The following KLHL1 variants were observed in gnomAD, a reference collection of about 807,000 sequenced individuals.
KLHL1 encodes kelch-like protein 1.
A neutral mutation model predicts 77.7 loss-of-function variants in KLHL1; 47 were observed. That is an observed-to-expected ratio of 0.60 (90% CI 0.48 to 0.77). The LOEUF is 0.77. Ranked by LOEUF, KLHL1 falls within the 30% of genes least tolerant of loss-of-function variation. The probability of loss-of-function intolerance (pLI) is 0.00; values close to 1 mark genes in which losing one functional copy is unlikely to be tolerated. For synonymous variants in KLHL1, 360 were observed against 325.2 expected, an observed-to-expected ratio of 1.11 and a Z score of -1.15; for missense variants, 925 against 910.8, an observed-to-expected ratio of 1.02 and a Z score of -0.20.
chr13:70,016,970 C>T (rs889720292), intron 1 of KLHL1, among the ~76,000 whole-genome samples: 2 of 152,158 alleles, frequency 1.3e-5, no homozygotes, highest in Non-Finnish European at 2.9e-5. Context: ...AGAAGCTACC[C>T]ACTGTGGGTC....
chr13:70,023,139 T>A (rs1287113882), intron 1 of KLHL1, among the ~76,000 whole-genome samples: 1 of 151,894 alleles, frequency 6.6e-6, no homozygotes, highest in African/African-American at 2.4e-5. Context: ...GTAAAACAGA[T>A]AACATTATCA....
chr13:69,768,546 G>A (rs950807217), intron 7 of KLHL1, among the ~76,000 whole-genome samples: 3 of 152,002 alleles, frequency 2.0e-5, no homozygotes, highest in Admixed American at 6.6e-5. Context: ...GGAAAGGGTT[G>A]TACAATAGTT....
In KLHL1 at chr13:69,825,841, TTAGA is replaced by T. The variant is rs141293549; in HGVS notation, c.1414+13131_1414+13134del. On this transcript the variant is annotated intron_variant, in intron 6 of 10. Transcript: ENST00000377844. ...CTGATAACTGAAGTCTGAAGCCAAG[TTAGA>T]TAGAAATATTGCTGATAGGGTATAT... Among the ~76,000 whole-genome samples, 16 of 152,234 alleles carry T rather than the reference TTAGA, an allele frequency of 1.1e-4. No homozygotes were observed. The East Asian group carries it at 2.9e-3, about 28-fold the overall frequency.
At chr13:70,081,387 T>C (rs1340836964) in intron 1 of KLHL1, among the ~76,000 whole-genome samples, 5 of 152,238 alleles carry the variant, frequency 3.3e-5, no homozygotes, top group Non-Finnish European at 7.3e-5. Context: ...ATCAAGATTT[T>C]GGGTCCACTG....
intron 6 of KLHL1, 88 bp from the exon 7 acceptor site, chr13:69,797,050 A>T: frequency 9.6e-7 from 1 of 1,043,658 alleles, no homozygotes; most frequent in East Asian, 2.4e-5. Flanking sequence ...GGATGTGAAA[A>T]CACTCTTGTC....
chr13:70,076,982 A>G (rs1199118260), intron 1 of KLHL1, among the ~76,000 whole-genome samples: 1 of 152,018 alleles, frequency 6.6e-6, no homozygotes, highest in East Asian at 1.9e-4. Context: ...ACCAAATTCT[A>G]GTAATGGTGT....
chr13:70,082,136 A>T (rs2137430956), intron 1 of KLHL1, among the ~76,000 whole-genome samples: 1 of 152,184 alleles, frequency 6.6e-6, no homozygotes, highest in Middle Eastern at 3.4e-3. Context: ...CCATAATTGT[A>T]AGTCTCCTGA....
intron 6 of KLHL1, 106 bp downstream of exon 6, chr13:69,838,870 T>C: frequency 3.1e-6 from 2 of 635,664 alleles, no homozygotes; most frequent in East Asian, 6.4e-5. Flanking sequence ...ATTACAATAA[T>C]TAAAGCTGAG....
chr13:69,821,290 G>T (rs557684120), intron 6 of KLHL1, among the ~76,000 whole-genome samples: 6 of 151,874 alleles, frequency 4.0e-5, no homozygotes, highest in African/African-American at 1.5e-4. Flanking sequence ...TTCATTCATC[G>T]TAATAATTTA....
intron 1 of KLHL1, among the ~76,000 whole-genome samples, chr13:70,048,608 C>T (rs1433320609): frequency 2.0e-5 from 3 of 152,210 alleles, no homozygotes; most frequent in Admixed American, 1.3e-4. Context: ...GCGGTTTCAT[C>T]AGGCACTGAT....
At chr13:70,038,276 G>T (rs868605057) in intron 1 of KLHL1, among the ~76,000 whole-genome samples, 2 of 152,282 alleles carry the variant, frequency 1.3e-5, no homozygotes, top group Middle Eastern at 3.4e-3. Flanking sequence ...TTCTGTGGTA[G>T]CAATGTACTA....
intron 4 of KLHL1, among the ~76,000 whole-genome samples, chr13:69,925,389 A>G (rs1245473495): frequency 6.6e-6 from 1 of 152,162 alleles, no homozygotes; most frequent in East Asian, 1.9e-4. Context: ...GCATATAATA[A>G]TCCACTACTA....
intron 5 of KLHL1, among the ~76,000 whole-genome samples, chr13:69,881,371 G>A (rs181624840): frequency 1.3e-4 from 19 of 151,946 alleles, no homozygotes; most frequent in Middle Eastern, 3.4e-3. Flanking sequence ...TATATTTTTA[G>A]TAACATATGG....
intron 7 of KLHL1, among the ~76,000 whole-genome samples, chr13:69,784,751 C>A (rs1436486363): frequency 6.6e-6 from 1 of 151,680 alleles, no homozygotes; most frequent in African/African-American, 2.4e-5. Flanking sequence ...CTTTAACACC[C>A]CACTGTCAAT....
At chr13:69,985,767 A>G (rs1884846991) in intron 1 of KLHL1, among the ~76,000 whole-genome samples, 1 of 146,180 alleles carries the variant, frequency 6.8e-6, no homozygotes, top group Non-Finnish European at 1.5e-5. Flanking sequence ...ATAAACAAAA[A>G]TGTGATCCAT....
chr13:69,890,903 A>G (rs1881404442), intron 4 of KLHL1, among the ~76,000 whole-genome samples: 1 of 152,068 alleles, frequency 6.6e-6, no homozygotes, highest in African/African-American at 2.4e-5. Context: ...TCTTATATAT[A>G]CAAACATATA....
rs74884874 is a variant in KLHL1, at chr13:69,871,545, T to A, written c.1227+10738A>T. Reference sequence around the variant, plus strand: ...AAATTTTATGCTCTGTTTCCCTTTTTACTATAAATTCCACCTTTAGTCATT... The same window carrying A: ...AAATTTTATGCTCTGTTTCCCTTTTAACTATAAATTCCACCTTTAGTCATT... On this transcript the variant is annotated intron_variant, in intron 5 of 10. Coordinates refer to ENST00000377844, the MANE Select transcript of KLHL1 (RefSeq NM_020866.3). Among the ~76,000 whole-genome samples, 1,522 of 152,246 alleles carry A rather than the reference T, an allele frequency of 1.0e-2. 26 individuals carry two copies. Among genetic ancestry groups the A allele is most frequent in the African/African-American group, 0.034 (1,419 of 41,550 alleles).
chr13:70,009,039 C>T (rs1487978671), intron 1 of KLHL1, among the ~76,000 whole-genome samples: 1 of 152,064 alleles, frequency 6.6e-6, no homozygotes, highest in Non-Finnish European at 1.5e-5. Flanking sequence ...ACATTCACTA[C>T]TTTTTAAACA....
intron 3 of KLHL1, among the ~76,000 whole-genome samples, chr13:69,955,902 A>T (rs1385959600): frequency 7.3e-6 from 1 of 136,320 alleles, no homozygotes; most frequent in Non-Finnish European, 1.6e-5. Flanking sequence ...TGATATATTT[A>T]TATATATTTG....
Sources: gnomAD v4.1 joint callset for allele counts (sites outside exome capture counted in the v4.1 genomes callset) on GRCh38, gnomAD v4.1.1 for gene constraint, MANE v1.5 for transcripts, NCBI Gene and HGNC (gene_info 2026-07-23, HGNC 2026-07-21) for gene names.